The following TFAP2D variants were observed in gnomAD, a reference collection of about 807,000 sequenced individuals.
The protein encoded by TFAP2D is transcription factor AP-2 delta.
Under a neutral mutation model 43.6 loss-of-function variants are expected in TFAP2D, and 9 were observed. That is an observed-to-expected ratio of 0.21 (90% CI 0.12 to 0.36). TFAP2D has a LOEUF of 0.36. Ranked by LOEUF, TFAP2D falls within the 10% of genes least tolerant of loss-of-function variation. The pLI is 1.00. For missense variants in TFAP2D, 513 were observed against 561.4 expected (o/e 0.91, Z 0.87); for synonymous variants, 256 against 224.9 (o/e 1.14, Z -1.24).
intron 1 of TFAP2D, among the ~76,000 whole-genome samples, chr6:50,714,449 G>A (rs1768580369): frequency 6.6e-6 from 1 of 152,088 alleles, no homozygotes; most frequent in South Asian, 2.1e-4. Context: ...AGCAGTAGAT[G>A]CACAAGGGGG....
At chr6:50,749,985 T>C (rs943703103) in intron 6 of TFAP2D, among the ~76,000 whole-genome samples, 1 of 151,928 alleles carries the variant, frequency 6.6e-6, no homozygotes, top group Admixed American at 6.6e-5. Flanking sequence ...TGACACAATA[T>C]TTGAACACTG....
At chr6:50,753,087 T>G (rs1769220186) in intron 7 of TFAP2D, among the ~76,000 whole-genome samples, 1 of 151,924 alleles carries the variant, frequency 6.6e-6, no homozygotes, top group Non-Finnish European at 1.5e-5. Context: ...ACATTTTTGT[T>G]TGTGCGCATA....
At chr6:50,768,366 C>T (rs2113896010) in intron 7 of TFAP2D, among the ~76,000 whole-genome samples, 1 of 112,630 alleles carries the variant, frequency 8.9e-6, no homozygotes, top group East Asian at 2.8e-4. Context: ...TAGAGACTTG[C>T]TTTGTTGCCC....
At chr6:50,750,479 G>T (rs542854982) in intron 6 of TFAP2D, among the ~76,000 whole-genome samples, 11 of 152,066 alleles carry the variant, frequency 7.2e-5, no homozygotes, top group Non-Finnish European at 1.3e-4. Context: ...TTTGTATAGT[G>T]TATTCTGCTT....
chr6:50,745,018 C>A (rs1769105571), intron 5 of TFAP2D, 89 bp from the exon 6 acceptor site: 2 of 1,491,014 alleles, frequency 1.3e-6, no homozygotes, highest in Non-Finnish European at 1.8e-6. Context: ...CTGACCACAG[C>A]CAGGAGTGAG....
Position 50,718,094 on chromosome 6 carries a change from C to T in TFAP2D, c.538-996C>T, listed in dbSNP as rs540665683. 11 of 151,926 alleles carry T rather than the reference C, an allele frequency of 7.2e-5. No homozygotes were observed. In the South Asian group the frequency reaches 1.0e-3, roughly 14 times the overall value. The allele number at this position is 151,926 out of a possible 1,614,324, so 9.4% of individuals were successfully genotyped here. ...AAACTGTCACACCTTTTCCCATCAC[C>T]GCTTTAATTTATGCTCAGTCTCCAA... On this transcript the variant is annotated intron_variant, in intron 2 of 7. Transcript: ENST00000008391.
chr6:50,730,869 C>T (rs760382599), intron 5 of TFAP2D, among the ~76,000 whole-genome samples: 4 of 152,068 alleles, frequency 2.6e-5, no homozygotes, highest in African/African-American at 9.6e-5. Flanking sequence ...TCCTTGGAAC[C>T]CTTTTCACCA....
At chr6:50,740,637 C>G (rs1381847509) in intron 5 of TFAP2D, among the ~76,000 whole-genome samples, 1 of 152,060 alleles carries the variant, frequency 6.6e-6, no homozygotes, top group Non-Finnish European at 1.5e-5. Flanking sequence ...TGGGGTTTCA[C>G]CATCTTGGCC....
chr6:50,751,558 G>A (rs1769201141), intron 7 of TFAP2D, among the ~76,000 whole-genome samples: 1 of 151,896 alleles, frequency 6.6e-6, no homozygotes, highest in African/African-American at 2.4e-5. Context: ...GAGTTAATTA[G>A]ACAAAGGCTT....
chr6:50,734,972 T>C (rs2114042268), intron 5 of TFAP2D, among the ~76,000 whole-genome samples: 1 of 152,202 alleles, frequency 6.6e-6, no homozygotes, highest in East Asian at 1.9e-4. Context: ...GGAGTCAAAC[T>C]TGTCTGAACT....
chr6:50,718,507 C>A (rs746273538), intron 2 of TFAP2D, among the ~76,000 whole-genome samples: 1 of 152,124 alleles, frequency 6.6e-6, no homozygotes, highest in Middle Eastern at 3.2e-3. Context: ...TCCATCTTTC[C>A]AGCTCTAGGG....
At chr6:50,718,452 A>G (rs1373188523) in intron 2 of TFAP2D, among the ~76,000 whole-genome samples, 1 of 152,214 alleles carries the variant, frequency 6.6e-6, no homozygotes, top group Non-Finnish European at 1.5e-5. Flanking sequence ...AACGACAGAC[A>G]GGGAGAAATT....
In TFAP2D at chr6:50,728,977, A is replaced by G. The variant is rs756382896; in HGVS notation, c.720A>G (p.Pro240=). The G allele has an allele frequency of 3.2e-5, 51 of 1,613,806 alleles. No individual in the cohort carries two copies. Among genetic ancestry groups the G allele is most frequent in the Non-Finnish European group, 4.2e-5 (49 of 1,179,914 alleles). The change falls in exon 4 of 8, where the codon CCA becomes CCG. Residue 240 remains proline, a synonymous_variant. Transcript: ENST00000008391. The part of the protein sequence containing the change: ...TIAEVKRRLS[P]PECLNASLLG... ...CTGAGGTAAAGAGGCGCCTCTCCCC[A>G]CCTGAGTGCCTCAATGCTTCACTCT...
intron 2 of TFAP2D, 89 bp downstream of exon 2, chr6:50,715,702 C>T (rs568159897): frequency 1.5e-6 from 2 of 1,354,650 alleles, no homozygotes; most frequent in South Asian, 1.4e-5. Context: ...TAAAGCGTCT[C>T]TCTTTCTCTC....
chr6:50,764,558 A>T (rs750078119), intron 7 of TFAP2D, among the ~76,000 whole-genome samples: 2 of 152,194 alleles, frequency 1.3e-5, no homozygotes, highest in African/African-American at 4.8e-5. Flanking sequence ...TTTAATCTAT[A>T]AAAATAAAAA....
chr6:50,721,417 T>A (rs1373974546), intron 3 of TFAP2D, among the ~76,000 whole-genome samples: 1 of 152,200 alleles, frequency 6.6e-6, no homozygotes, highest in Non-Finnish European at 1.5e-5. Flanking sequence ...TGTCTATACG[T>A]GTCTGTTTAT....
At position 50,730,665 on chromosome 6, in the gene TFAP2D, G is replaced by A. The variant is rs1174491251; in HGVS notation, c.883+1353G>A. ...GAGGGGATTCAAGAATCATATGGGT[G>A]GTAGGACTCGAGTAGTTCTCAAACC... On this transcript the variant is annotated intron_variant, in intron 5 of 7. Coordinates refer to ENST00000008391, the MANE Select transcript of TFAP2D (RefSeq NM_172238.4). Among the ~76,000 whole-genome samples, 3 of 152,088 alleles carry A rather than the reference G, an allele frequency of 2.0e-5. No individual in the cohort carries two copies. In the East Asian group the frequency reaches 5.8e-4, roughly 29 times the overall value.
chr6:50,733,880 G>C (rs942136659), intron 5 of TFAP2D, among the ~76,000 whole-genome samples: 2 of 152,046 alleles, frequency 1.3e-5, no homozygotes, highest in East Asian at 3.9e-4. Context: ...CCAACACTCA[G>C]GGTTCTGAAA....
chr6:50,719,501 G>GAAAGAAAGAAAGAAAGAAAGAAAGA (rs3835214), intron 3 of TFAP2D, among the ~76,000 whole-genome samples: 3 of 133,460 alleles, frequency 2.2e-5, no homozygotes, highest in Non-Finnish European at 3.4e-5. Context: ...AAGAAAGAAA[G>GAAAGAAAGAAAGAAAGAAAGAAAGA]AAGTTTCTCA....
Sources: allele counts gnomAD v4.1 joint callset (sites outside exome capture counted in the v4.1 genomes callset), GRCh38; gene constraint gnomAD v4.1.1; transcripts MANE v1.5; gene names NCBI Gene and HGNC (gene_info 2026-07-23, HGNC 2026-07-21).